Variants in AOPEP observed in about 807,000 individuals in gnomAD.
The protein encoded by AOPEP is aminopeptidase O (putative).
AOPEP carries 77 observed loss-of-function variants against 98.1 expected under a neutral mutation model. The ratio of observed to expected loss-of-function variants is 0.78; its 90% confidence interval spans 0.65 to 0.95. The LOEUF (loss-of-function observed/expected upper bound fraction) is 0.95, where lower values mean the gene tolerates loss of function less well. AOPEP is among the 40% of genes least tolerant of loss of function. The pLI, the probability that AOPEP is intolerant of heterozygous loss-of-function variation, is 0.00. For missense variants in AOPEP, 1,024 were observed against 1,024.7 expected, an observed-to-expected ratio of 1.00 and a Z score of 0.01; for synonymous variants, 346 against 365.3, an observed-to-expected ratio of 0.95 and a Z score of 0.60.
At chr9:94,756,176 C>T (rs890060119) in intron 1 of AOPEP, among the ~76,000 whole-genome samples, 8 of 149,932 alleles carry the variant, frequency 5.3e-5, no homozygotes, top group East Asian at 3.9e-4. Context: ...AGGAGAATGG[C>T]GTGAACCAGG....
chr9:94,895,555 T>C (rs1170661873), intron 5 of AOPEP, among the ~76,000 whole-genome samples: 1 of 152,128 alleles, frequency 6.6e-6, no homozygotes, highest in East Asian at 1.9e-4. Context: ...GACTCATGGT[T>C]AGTAAACTAC....
At chr9:95,023,379 C>A (rs1478970775) in intron 13 of AOPEP, among the ~76,000 whole-genome samples, 1 of 152,196 alleles carries the variant, frequency 6.6e-6, no homozygotes, top group East Asian at 1.9e-4. Context: ...GAAAGCAGCC[C>A]AGTCACTTCT....
At chr9:95,081,133 G>T (rs1042610751) in intron 15 of AOPEP, among the ~76,000 whole-genome samples, 1 of 152,174 alleles carries the variant, frequency 6.6e-6, no homozygotes, top group Non-Finnish European at 1.5e-5. Context: ...TAAAGTACAC[G>T]TGCAAGTCAG....
In AOPEP at chr9:94,929,415, C is replaced by T. The variant is rs1049442509; in HGVS notation, c.1661+884C>T. 5.3e-5 allele frequency among the ~76,000 whole-genome samples: 8 copies of T among 152,362 alleles called. No homozygotes were observed. In the Middle Eastern group the frequency reaches 0.01, roughly 194 times the overall value. ...TCGCCTGACTGTGACTGAAGCCTAA[C>T]GCAAATGCACCCCAGGGAGGGAGCT... On this transcript the variant is annotated intron_variant, in intron 7 of 16. Coordinates refer to ENST00000375315, the MANE Select transcript of AOPEP (RefSeq NM_001193329.3).
chr9:94,870,740 C>T lies in AOPEP; in HGVS notation c.1365-53246C>T, dbSNP rs184519675. Among the ~76,000 whole-genome samples, 19 of 152,272 alleles carry T rather than the reference C, an allele frequency of 1.2e-4. No homozygotes were observed. In the East Asian group the frequency reaches 2.9e-3, roughly 23 times the overall value. On this transcript the variant is annotated intron_variant, in intron 5 of 16. Coordinates refer to ENST00000375315, the MANE Select transcript of AOPEP (RefSeq NM_001193329.3). ...GTGAAGATATAAGTTGGATCTGGGT[C>T]GGCCAAGTGGGAAAAGTAGTAAAAT...
At chr9:94,839,371 G>C (rs906618973) in intron 5 of AOPEP, among the ~76,000 whole-genome samples, 2 of 152,116 alleles carry the variant, frequency 1.3e-5, no homozygotes, top group African/African-American at 2.4e-5. Context: ...TTATAGGCGT[G>C]AGCCAACCCG....
At chr9:95,135,963 T>G in the AOPEP span, among the ~76,000 whole-genome samples, 1 of 152,190 alleles carries the variant, frequency 6.6e-6, no homozygotes, top group Non-Finnish European at 1.5e-5. Flanking sequence ...AGTTTATTCA[T>G]CTGTAAAATG....
chr9:94,866,072 T>C (rs1248404623), intron 5 of AOPEP, among the ~76,000 whole-genome samples: 1 of 152,338 alleles, frequency 6.6e-6, no homozygotes, highest in East Asian at 1.9e-4. Flanking sequence ...CAAAAGTCTT[T>C]ATTCTCTTTT....
intron 13 of AOPEP, among the ~76,000 whole-genome samples, chr9:95,026,674 A>G (rs1571895): frequency 0.83 from 126,795 of 152,150 alleles, 53,300 homozygotes; most frequent in Non-Finnish European, 0.89. Flanking sequence ...AAATGAACAT[A>G]TGCTTTTACC....
chr9:95,041,030 G>A (rs2133566734), intron 13 of AOPEP, among the ~76,000 whole-genome samples: 1 of 139,636 alleles, frequency 7.2e-6, no homozygotes. Flanking sequence ...TTCCATGACA[G>A]AGTTAAGTCT....
intron 5 of AOPEP, among the ~76,000 whole-genome samples, chr9:94,829,220 G>GCACA (rs1251321888): frequency 1.3e-5 from 2 of 150,846 alleles, no homozygotes; most frequent in Admixed American, 6.6e-5. Flanking sequence ...ACACGCACAC[G>GCACA]CACACACACA....
At chr9:95,089,703 G>A (rs1382301906), downstream of AOPEP, among the ~76,000 whole-genome samples, 1 of 152,226 alleles carries the variant, frequency 6.6e-6, no homozygotes, top group Non-Finnish European at 1.5e-5. Context: ...GGCACGGGCT[G>A]CTTTGGAAAG....
At chr9:95,080,867 A>G (rs527798229) in intron 15 of AOPEP, 87 bp downstream of exon 15, 14 of 898,390 alleles carry the variant, frequency 1.6e-5, no homozygotes, top group Admixed American at 1.4e-4. Context: ...TATCTCTTTC[A>G]TAACAAATAA....
At chr9:94,943,746 C>G (rs1034605629) in intron 7 of AOPEP, among the ~76,000 whole-genome samples, 1 of 151,640 alleles carries the variant, frequency 6.6e-6, no homozygotes, top group Middle Eastern at 3.4e-3. Flanking sequence ...TGGTGAAACC[C>G]CATCTCTGCT....
intron 13 of AOPEP, among the ~76,000 whole-genome samples, chr9:95,020,714 T>C (rs1396969644): frequency 6.6e-6 from 1 of 151,662 alleles, no homozygotes; most frequent in Non-Finnish European, 1.5e-5. Context: ...GCTCAGGAGT[T>C]CAAGACCAAC....
the AOPEP span, chr9:95,126,466 A>T: frequency 2.0e-6 from 3 of 1,470,758 alleles, no homozygotes; most frequent in Non-Finnish European, 2.9e-6. Flanking sequence ...ACATTTTCTG[A>T]TTCATGCTTG....
At chr9:95,117,462 T>G in the AOPEP span, 14 of 1,266,948 alleles carry the variant, frequency 1.1e-5, no homozygotes, top group Non-Finnish European at 1.6e-5. Flanking sequence ...TACAAAACTC[T>G]GAGTCCTCTG....
chr9:95,037,714 G>A (rs1453915777), intron 13 of AOPEP, among the ~76,000 whole-genome samples: 1 of 152,188 alleles, frequency 6.6e-6, no homozygotes, highest in East Asian at 1.9e-4. Flanking sequence ...TTCCTCTTCA[G>A]CGTCTGTCTG....
At chr9:94,893,112 G>A (rs1188650511) in intron 5 of AOPEP, among the ~76,000 whole-genome samples, 1 of 152,208 alleles carries the variant, frequency 6.6e-6, no homozygotes, top group East Asian at 1.9e-4. Flanking sequence ...GACCTAGAGT[G>A]TGAAATTACT....
Sources: allele counts gnomAD v4.1 joint callset (sites outside exome capture counted in the v4.1 genomes callset), GRCh38; gene constraint gnomAD v4.1.1; transcripts MANE v1.5; gene names NCBI Gene and HGNC (gene_info 2026-07-23, HGNC 2026-07-21).